The following POFUT1 variants were observed in gnomAD, a reference collection of about 807,000 sequenced individuals.
POFUT1 encodes the protein GDP-fucose protein O-fucosyltransferase 1.
POFUT1 carries 16 observed loss-of-function variants against 42.4 expected under a neutral mutation model. That is an observed-to-expected ratio of 0.38 (90% CI 0.26 to 0.57). The LOEUF (loss-of-function observed/expected upper bound fraction) is 0.57. Ranked by LOEUF, POFUT1 falls within the 20% of genes least tolerant of loss-of-function variation. The pLI is 0.71. For missense variants in POFUT1, 470 were observed against 504.6 expected (o/e 0.93, Z 0.66); for synonymous variants, 206 against 205.4 (o/e 1.00, Z -0.03).
intron 3 of POFUT1, among the ~76,000 whole-genome samples, chr20:32,215,880 C>T (rs1164849556): frequency 6.6e-6 from 1 of 152,232 alleles, no homozygotes; most frequent in Non-Finnish European, 1.5e-5. Flanking sequence ...ATCCCCACTT[C>T]ATAGAGAGGA....
intron 4 of POFUT1, among the ~76,000 whole-genome samples, chr20:32,218,754 CCAACTCTAAAAG>C (rs1247208623): frequency 6.6e-6 from 1 of 152,148 alleles, no homozygotes; most frequent in Non-Finnish European, 1.5e-5. Flanking sequence ...AAAAAAGCCA[CCAACTCTAAAAG>C]CAACTCCAAA....
intron 5 of POFUT1, among the ~76,000 whole-genome samples, chr20:32,230,000 A>G (rs2047433834): frequency 6.6e-6 from 1 of 152,048 alleles, no homozygotes; most frequent in Admixed American, 6.6e-5. Context: ...CTGGTCTCCA[A>G]TTCCTGAGCT....
At chr20:32,229,497 A>C (rs750188598) in intron 5 of POFUT1, among the ~76,000 whole-genome samples, 1 of 152,246 alleles carries the variant, frequency 6.6e-6, no homozygotes. Flanking sequence ...ATAAAAACTC[A>C]TAACTAACCA....
At chr20:32,232,767 C>A (rs1489843697) in intron 6 of POFUT1, among the ~76,000 whole-genome samples, 1 of 151,944 alleles carries the variant, frequency 6.6e-6, no homozygotes, top group East Asian at 1.9e-4. Flanking sequence ...TCTGTTACAC[C>A]TTGAACCTCT....
rs148829108 is a variant in POFUT1 at position 32,210,134 on chromosome 20, G to A, written c.188G>A (p.Arg63His). 26 of 1,613,986 alleles carry A rather than the reference G, an allele frequency of 1.6e-5. No individual in the cohort carries two copies. Among genetic ancestry groups the A allele is most frequent in the Admixed American group, 8.3e-5 (5 of 60,012 alleles). The change falls in exon 2 of 7, where the codon CGT (arginine) becomes CAT (histidine). Residue 63 changes from arginine (R) to histidine (H), a missense_variant. By Grantham distance (29) the Arg-to-His change is conservative (BLOSUM62 0). Coordinates refer to ENST00000375749, the MANE Select transcript of POFUT1 (RefSeq NM_015352.2). ...GSLAFAKLLN[R>H]TLAVPPWIEY... ...CTGGCATTTGCAAAGCTGCTAAACC[G>A]TACCTTGGCTGTCCCTCCTTGGATT...
rs1600396537 is a variant in POFUT1, at chr20:32,234,936, C to T, written c.*275C>T. The T allele has an allele frequency of 8.3e-6, 3 of 360,532 alleles. No homozygotes were observed. The highest frequency in any genetic ancestry group is 1.5e-5 in the Non-Finnish European group (3 of 197,914). The allele number at this position is 360,532 out of a possible 1,614,324, so 22.3% of individuals were successfully genotyped here. ...CACACTGGCAAAGCAGTCCAGCCTC[C>T]GTCTTCTGGTCCACTCTGCTCTGAG... On this transcript the variant is annotated 3_prime_UTR_variant, in exon 7 of 7. Transcript: ENST00000375749.
chr20:32,208,010 G>T lies in POFUT1; in HGVS notation c.69G>T (p.Gly23=). The T allele has an allele frequency of 6.3e-7, 1 of 1,587,430 alleles. No homozygotes were observed. ...SFLLLLLPLP[G]MPAGSWDPAG... ...TGCTGCTGCTTCTGCCGCTCCCGGG[G>T]ATGCCTGCGGGCTCCTGGGACCCGG... is the stretch of plus-strand genomic sequence containing the variant. The change falls in exon 1 of 7, where the codon GGG becomes GGT. Residue 23 remains glycine (G), a synonymous_variant. Coordinates refer to ENST00000375749, the MANE Select transcript of POFUT1 (RefSeq NM_015352.2).
chr20:32,237,466 A>G lies in POFUT1; in HGVS notation c.*2805A>G, dbSNP rs543776814. 5.5e-5 allele frequency: 11 copies of G among 200,394 alleles called. No individual in the cohort carries two copies. The South Asian group carries it at 9.9e-4, about 18-fold the overall frequency. 12.4% of individuals were successfully genotyped at this position (200,394 alleles called of 1,614,324 possible). On this transcript the variant is annotated 3_prime_UTR_variant, in exon 7 of 7. Coordinates refer to ENST00000375749, the MANE Select transcript of POFUT1 (RefSeq NM_015352.2). Reference sequence around the variant, plus strand: ...AGGAGGGAGGGAGCACATTCCTGGCAGAGAAAACAGCACGTGCAAAGGCCC... The same window carrying G: ...AGGAGGGAGGGAGCACATTCCTGGCGGAGAAAACAGCACGTGCAAAGGCCC...
At chr20:32,217,140 C>T (rs1366289690) in intron 4 of POFUT1, 1 of 1,559,570 alleles carries the variant, frequency 6.4e-7, no homozygotes, top group Non-Finnish European at 8.7e-7. Context: ...ATTAATTGCA[C>T]CCCATTAGCC....
At chr20:32,211,325 G>A (rs1221524933) in intron 2 of POFUT1, among the ~76,000 whole-genome samples, 1 of 150,978 alleles carries the variant, frequency 6.6e-6, no homozygotes, top group Non-Finnish European at 1.5e-5. Flanking sequence ...CCAGGCTGGA[G>A]TGCAGTGGCA....
intron 6 of POFUT1, among the ~76,000 whole-genome samples, chr20:32,233,650 G>T (rs2047454651): frequency 6.6e-6 from 1 of 152,176 alleles, no homozygotes; most frequent in South Asian, 2.1e-4. Context: ...AGTCCATCAG[G>T]CAAGAGATTG....
chr20:32,212,364 T>C (rs1055696704), intron 2 of POFUT1, among the ~76,000 whole-genome samples: 2 of 151,438 alleles, frequency 1.3e-5, no homozygotes, highest in Non-Finnish European at 2.9e-5. Flanking sequence ...CTCCATCTCC[T>C]CAAGCAGTCC....
chr20:32,231,150 T>TC, intron 6 of POFUT1, 89 bp downstream of exon 6: 1 of 1,446,312 alleles, frequency 6.9e-7, no homozygotes. Context: ...CTTCACGGGC[T>TC]CCCCTACAAG....
rs569879353 is a variant in POFUT1 at position 32,237,719 on chromosome 20, C to T, written c.*3058C>T. 3 of 520,746 alleles carry T rather than the reference C, an allele frequency of 5.8e-6. No individual in the cohort carries two copies. The highest frequency in any genetic ancestry group is 4.3e-5 in the South Asian group (3 of 70,150). 32.3% of individuals were successfully genotyped at this position (520,746 alleles called of 1,614,324 possible). A position where few individuals can be genotyped will look rare whatever the true frequency, so the allele number is the denominator to read the frequency against. Reference sequence around the variant, plus strand: ...ATTCTGAAGGACCTCTCTAGCTGGCCAGTGCTGAGGAGGTTGGAGAGAGAA... The same window carrying T: ...ATTCTGAAGGACCTCTCTAGCTGGCTAGTGCTGAGGAGGTTGGAGAGAGAA... On this transcript the variant is annotated 3_prime_UTR_variant, in exon 7 of 7. Coordinates refer to ENST00000375749, the MANE Select transcript of POFUT1 (RefSeq NM_015352.2).
intron 5 of POFUT1, 145 bp downstream of exon 5, chr20:32,228,600 T>G (rs1316252190): frequency 4.6e-6 from 3 of 647,036 alleles, no homozygotes; most frequent in Admixed American, 6.4e-5. Flanking sequence ...ATCATCCCAC[T>G]GCAGCACATA....
At chr20:32,208,648 CA>C (rs67714814) in intron 1 of POFUT1, among the ~76,000 whole-genome samples, 19,893 of 93,144 alleles carry the variant, frequency 0.21, 1,803 homozygotes, top group Middle Eastern at 0.34. Context: ...AATCCAATCT[CA>C]AAAAAAAAAA....
At chr20:32,230,409 G>T (rs917756668) in intron 5 of POFUT1, among the ~76,000 whole-genome samples, 1 of 141,794 alleles carries the variant, frequency 7.1e-6, no homozygotes, top group Non-Finnish European at 1.5e-5. Flanking sequence ...AAAAAATGTA[G>T]TTAGGCCAGG....
rs1476258663 is a variant in POFUT1, at chr20:32,238,581, A to C, written c.*3920A>C. 1 of 152,222 alleles carries C rather than the reference A, an allele frequency of 6.6e-6. No individual in the cohort carries two copies. The highest frequency in any genetic ancestry group is 1.5e-5 in the Non-Finnish European group (1 of 68,040). 9.4% of individuals were successfully genotyped at this position (152,222 alleles called of 1,614,324 possible). On this transcript the variant is annotated 3_prime_UTR_variant, in exon 7 of 7. Transcript: ENST00000375749. ...GTGAATTTGTTAGATCAAACACTTA[A>C]AACTTTTTGTTATGGAAGAATTCAA...
At chr20:32,218,426 G>T (rs2047373494) in intron 4 of POFUT1, among the ~76,000 whole-genome samples, 1 of 152,196 alleles carries the variant, frequency 6.6e-6, no homozygotes, top group South Asian at 2.1e-4. Flanking sequence ...AGCATGAGCT[G>T]CTGCGCCCAG....
Sources: gnomAD v4.1 joint callset for allele counts (sites outside exome capture counted in the v4.1 genomes callset) on GRCh38, gnomAD v4.1.1 for gene constraint, MANE v1.5 for transcripts, NCBI Gene and HGNC (gene_info 2026-07-23, HGNC 2026-07-21) for gene names.